Variants in SLIT2 observed in about 807,000 individuals in gnomAD.
SLIT2 encodes the protein slit homolog 2 protein.
A neutral mutation model predicts 185.7 loss-of-function variants in SLIT2; 41 were observed. The observed-to-expected ratio is 0.22, with a 90% CI of 0.17 to 0.29. SLIT2 has a LOEUF of 0.29. SLIT2 is among the 10% of genes least tolerant of loss of function. The pLI is 1.00. For synonymous variants in SLIT2, 693 were observed against 680.2 expected (o/e 1.02, Z -0.29); for missense variants, 1,571 against 1,909.0 (o/e 0.82, Z 3.30).
At chr4:20,570,878 C>T (rs1482555411) in intron 29 of SLIT2, among the ~76,000 whole-genome samples, 1 of 151,320 alleles carries the variant, frequency 6.6e-6, no homozygotes, top group Non-Finnish European at 1.5e-5. Context: ...TGGAGGAGTC[C>T]TCCTGCTTTG....
At chr4:20,494,498 T>C (rs1276390351) in intron 9 of SLIT2, among the ~76,000 whole-genome samples, 1 of 152,146 alleles carries the variant, frequency 6.6e-6, no homozygotes, top group East Asian at 1.9e-4. Context: ...AAAATTGGGC[T>C]GGGTGCAGTG....
intron 4 of SLIT2, among the ~76,000 whole-genome samples, chr4:20,435,130 G>A (rs1729262482): frequency 6.6e-6 from 1 of 151,966 alleles, no homozygotes; most frequent in African/African-American, 2.4e-5. Flanking sequence ...TATTTTCTTG[G>A]GCTAAATTCC....
intron 9 of SLIT2, among the ~76,000 whole-genome samples, chr4:20,497,011 A>C (rs1419706122): frequency 6.6e-6 from 1 of 152,154 alleles, no homozygotes; most frequent in Non-Finnish European, 1.5e-5. Flanking sequence ...AAATTCATTA[A>C]ATTTCCCTGT....
chr4:20,533,309 C>A, intron 17 of SLIT2: 1 of 358,780 alleles, frequency 2.8e-6, no homozygotes, highest in Non-Finnish European at 5.0e-6. Context: ...CAATACCTGA[C>A]CTCAAGAATT....
intron 4 of SLIT2, among the ~76,000 whole-genome samples, chr4:20,341,775 C>G (rs1720982902): frequency 6.6e-6 from 1 of 152,138 alleles, no homozygotes; most frequent in Non-Finnish European, 1.5e-5. Context: ...ATTACATACT[C>G]ACACTTAATA....
chr4:20,501,628 A>G (rs1403711815), intron 9 of SLIT2, among the ~76,000 whole-genome samples: 1 of 152,176 alleles, frequency 6.6e-6, no homozygotes, highest in Non-Finnish European at 1.5e-5. Context: ...CACTCAGTGT[A>G]CTCCTTATAG....
intron 4 of SLIT2, among the ~76,000 whole-genome samples, chr4:20,426,520 A>G (rs1728569784): frequency 6.6e-6 from 1 of 152,212 alleles, no homozygotes; most frequent in African/African-American, 2.4e-5. Context: ...GTAAGATGCT[A>G]TTAATGAGAA....
At chr4:20,555,589 A>T (rs1724183713) in intron 26 of SLIT2, among the ~76,000 whole-genome samples, 1 of 152,120 alleles carries the variant, frequency 6.6e-6, no homozygotes, top group Non-Finnish European at 1.5e-5. Context: ...CACCAAAAAA[A>T]GGTGATGTAG....
At chr4:20,416,022 A>G (rs1296952809) in intron 4 of SLIT2, among the ~76,000 whole-genome samples, 1 of 152,162 alleles carries the variant, frequency 6.6e-6, no homozygotes, top group Non-Finnish European at 1.5e-5. Flanking sequence ...TATCCTGGCC[A>G]TTGTTGAGGC....
rs1236228819 is a variant in SLIT2, at chr4:20,254,956, G to A, written c.179+962G>A. ...CTAATGAAGAAGTAAATGCAGACCC[G>A]GTGTTGACGGCCCACGCGCTCCTGA... On this transcript the variant is annotated intron_variant, in intron 1 of 36. Coordinates refer to ENST00000504154, the MANE Select transcript of SLIT2 (RefSeq NM_004787.4). This position sits in a 1 kb window ranked among gnomAD's most constrained non-coding sequence, Gnocchi z 5.1. The A allele has an allele frequency of 1.1e-5, 5 of 456,170 alleles. No homozygotes were observed. Among genetic ancestry groups the A allele is most frequent in the East Asian group, 7.0e-5 (1 of 14,386 alleles). 28.3% of individuals were successfully genotyped at this position (456,170 alleles called of 1,614,324 possible). A position where few individuals can be genotyped will look rare whatever the true frequency, so the allele number is the denominator to read the frequency against.
chr4:20,556,410 A>G (rs1724259208), intron 26 of SLIT2, among the ~76,000 whole-genome samples: 1 of 152,008 alleles, frequency 6.6e-6, no homozygotes, highest in Non-Finnish European at 1.5e-5. Flanking sequence ...CAATAATGCT[A>G]ATGCTTATCT....
chr4:20,602,152 TTATCTC>T (rs775584909), intron 33 of SLIT2, among the ~76,000 whole-genome samples: 21 of 152,338 alleles, frequency 1.4e-4, no homozygotes, highest in Non-Finnish European at 2.9e-4. Flanking sequence ...TTTTATGAAA[TTATCTC>T]TAGACTGGTA....
In SLIT2 at chr4:20,460,080, T is replaced by G. The variant is rs1713527922; in HGVS notation, c.396-7672T>G. Among the ~76,000 whole-genome samples, 4 of 151,990 alleles carry G rather than the reference T, an allele frequency of 2.6e-5. No individual in the cohort carries two copies. The South Asian group carries it at 8.3e-4, about 32-fold the overall frequency. ...GTTTTCACCATGTTGGCCAGTCTGGTCTCGAACTCCTGACCTCAGGTGATC... is the reference window on the plus strand; with the variant it reads ...GTTTTCACCATGTTGGCCAGTCTGGGCTCGAACTCCTGACCTCAGGTGATC... On this transcript the variant is annotated intron_variant, in intron 4 of 36. Coordinates refer to ENST00000504154, the MANE Select transcript of SLIT2 (RefSeq NM_004787.4).
At chr4:20,280,459 A>G (rs1714639884) in intron 4 of SLIT2, among the ~76,000 whole-genome samples, 1 of 151,882 alleles carries the variant, frequency 6.6e-6, no homozygotes, top group African/African-American at 2.4e-5. Context: ...TTTGAGGATC[A>G]GTTTCTGTGT....
intron 29 of SLIT2, 75 bp from the exon 30 acceptor site, chr4:20,589,569 T>C: frequency 8.9e-7 from 1 of 1,118,236 alleles, no homozygotes; most frequent in East Asian, 2.4e-5. Context: ...CTAAGACCCA[T>C]GACAATGACA....
chr4:20,321,748 T>C (rs1719107334), intron 4 of SLIT2, among the ~76,000 whole-genome samples: 1 of 152,216 alleles, frequency 6.6e-6, no homozygotes, highest in Non-Finnish European at 1.5e-5. Flanking sequence ...CCAGATTTTT[T>C]CTATTAGTCA....
At chr4:20,525,959 A>C (rs1446555650) in intron 15 of SLIT2, among the ~76,000 whole-genome samples, 1 of 152,122 alleles carries the variant, frequency 6.6e-6, no homozygotes, top group Non-Finnish European at 1.5e-5. Context: ...GCTCTTTAAA[A>C]TACGTTTCTT....
chr4:20,616,750 A>T (rs536246511), intron 34 of SLIT2, 160 bp from the exon 35 acceptor site: 48 of 648,940 alleles, frequency 7.4e-5, no homozygotes, highest in Non-Finnish European at 1.2e-4. Flanking sequence ...ACAAAAACAC[A>T]CATCTCTACA....
At chr4:20,256,320 G>GGA (rs1444432050) in intron 1 of SLIT2, among the ~76,000 whole-genome samples, 1 of 150,706 alleles carries the variant, frequency 6.6e-6, no homozygotes, top group East Asian at 2.0e-4. Flanking sequence ...TTTTTTTGGG[G>GGA]GGGGTGCCTA....
Sources: gnomAD v4.1 joint callset for allele counts (sites outside exome capture counted in the v4.1 genomes callset) on GRCh38, gnomAD v4.1.1 for gene constraint, Gnocchi (gnomAD v3.1) non-coding constraint, MANE v1.5 for transcripts, NCBI Gene and HGNC (gene_info 2026-07-23, HGNC 2026-07-21) for gene names.